Variants in CUX1 observed in about 807,000 individuals in gnomAD.
The protein encoded by CUX1 is cut like homeobox 1.
Under a neutral mutation model 158.8 loss-of-function variants are expected in CUX1, and 31 were observed. The ratio of observed to expected loss-of-function variants is 0.20; its 90% CI spans 0.15 to 0.26. The LOEUF (loss-of-function observed/expected upper bound fraction) is 0.26. Ranked by LOEUF, CUX1 falls within the 10% of genes least tolerant of loss-of-function variation. CUX1 has a pLI of 1.00. For missense variants in CUX1, 1,589 were observed against 2,014.6 expected (o/e 0.79, Z 4.04); for synonymous variants, 879 against 862.1 (o/e 1.02, Z -0.34).
intron 1 of CUX1, among the ~76,000 whole-genome samples, chr7:101,893,238 G>A (rs910409368): frequency 7.1e-6 from 1 of 140,648 alleles, no homozygotes; most frequent in Non-Finnish European, 1.5e-5. Flanking sequence ...GAACTCCTGG[G>A]CTTAAGCAAC....
intron 4 of CUX1, among the ~76,000 whole-genome samples, chr7:102,096,787 G>A (rs1467879153): frequency 6.6e-6 from 1 of 152,192 alleles, no homozygotes; most frequent in Non-Finnish European, 1.5e-5. Flanking sequence ...CCAACTAGCT[G>A]GGTGACCTCA....
upstream of CUX1, chr7:101,817,309 C>T: frequency 1.0e-6 from 1 of 984,586 alleles, no homozygotes; most frequent in Non-Finnish European, 1.2e-6. This position sits in a 1 kb window ranked among gnomAD's most constrained non-coding sequence, Gnocchi z 4.1. Flanking sequence ...TGCGTCCCCT[C>T]GGGGCTTCTG....
chr7:101,824,206 G>A (rs985041950), intron 1 of CUX1, among the ~76,000 whole-genome samples: 5 of 152,094 alleles, frequency 3.3e-5, no homozygotes, highest in Non-Finnish European at 4.4e-5. Flanking sequence ...TCGTGCCTCA[G>A]CCCCCCCGAG....
At position 102,255,028 on chromosome 7, in the gene CUX1, G is replaced by A. The variant is rs1789736632; in HGVS notation, c.*5986G>A. 2.0e-6 allele frequency: 2 copies of A among 984,844 alleles called. No individual in the cohort carries two copies. The highest frequency in any genetic ancestry group is 4.7e-5 in the South Asian group (1 of 21,280). 61.0% of individuals were successfully genotyped at this position (984,844 alleles called of 1,614,324 possible). A position where few individuals can be genotyped will look rare whatever the true frequency, so the allele number is the denominator to read the frequency against. On this transcript the variant is annotated 3_prime_UTR_variant, in exon 24 of 24. Coordinates refer to ENST00000292535, the MANE Select transcript of CUX1 (RefSeq NM_181552.4). Reference sequence around the variant, plus strand: ...TGGGCTTAATCAGGACGGAAGAGGAGGGGGTGTGGGGGGCAGAGCGTAAAA... The same window carrying A: ...TGGGCTTAATCAGGACGGAAGAGGAAGGGGTGTGGGGGGCAGAGCGTAAAA...
intron 10 of CUX1, among the ~76,000 whole-genome samples, chr7:102,173,174 A>G (rs150568899): frequency 2.6e-5 from 4 of 152,272 alleles, no homozygotes; most frequent in Middle Eastern, 3.4e-3. Flanking sequence ...AGCCTGGCCA[A>G]TATGGCGAGA....
intron 10 of CUX1, among the ~76,000 whole-genome samples, chr7:102,175,735 G>T (rs1792245803): frequency 6.6e-6 from 1 of 152,152 alleles, no homozygotes. Context: ...CTCCTACCCT[G>T]GAGGGCTCGT....
At chr7:101,855,097 C>A (rs148897467) in intron 1 of CUX1, among the ~76,000 whole-genome samples, 55 of 152,332 alleles carry the variant, frequency 3.6e-4, no homozygotes, top group Admixed American at 5.9e-4. Flanking sequence ...TTAATGCATC[C>A]TCTTCCCTCT....
At chr7:102,148,101 C>T (rs1418529569) in intron 8 of CUX1, among the ~76,000 whole-genome samples, 2 of 152,158 alleles carry the variant, frequency 1.3e-5, no homozygotes, top group Admixed American at 1.3e-4. Context: ...GAACAAGAGA[C>T]TTTGAGACGG....
In CUX1 at chr7:101,892,228, T is replaced by G. The variant is rs1017564185; in HGVS notation, c.31-23887T>G. 2.0e-5 allele frequency among the ~76,000 whole-genome samples: 3 copies of G among 152,340 alleles called. No homozygotes were observed. The East Asian group carries it at 5.8e-4, about 29-fold the overall frequency. On this transcript the variant is annotated intron_variant, in intron 1 of 23. Coordinates refer to ENST00000292535, the MANE Select transcript of CUX1 (RefSeq NM_181552.4). ...TGGTCAGATTCTTTCAATGCTAGGT[T>G]TAGTATCGTTCCTTTTTCTCCCATT... is the stretch of plus-strand genomic sequence containing the variant.
Position 102,256,326 on chromosome 7 carries a change from T to C in CUX1, c.*7284T>C, listed in dbSNP as rs1789892776. The C allele has an allele frequency of 1.0e-6, 1 of 984,616 alleles. No homozygotes were observed. Among genetic ancestry groups the C allele is most frequent in the Non-Finnish European group, 1.2e-6 (1 of 829,366 alleles). 61.0% of individuals were successfully genotyped at this position (984,616 alleles called of 1,614,324 possible). A position where few individuals can be genotyped will look rare whatever the true frequency, so the allele number is the denominator to read the frequency against. The stretch of plus-strand genomic sequence containing the variant: ...GATGTTTCCTTGAGAAAAAAAAAAT[T>C]ATTTCTATCCTCTTCTATTTATTAT... On this transcript the variant is annotated 3_prime_UTR_variant, in exon 24 of 24. Transcript: ENST00000292535.
chr7:101,920,126 GTTT>G (rs11368186), intron 2 of CUX1, among the ~76,000 whole-genome samples: 9 of 144,168 alleles, frequency 6.2e-5, no homozygotes, highest in Non-Finnish European at 1.1e-4. Context: ...ATTTTTATGT[GTTT>G]TTTTTTTTTT....
intron 4 of CUX1, among the ~76,000 whole-genome samples, chr7:102,089,124 C>T (rs782755183): frequency 7.2e-5 from 11 of 152,030 alleles, no homozygotes; most frequent in Non-Finnish European, 1.6e-4. Flanking sequence ...ATCTATTGTT[C>T]AGCCAATCAA....
chr7:101,941,180 A>T (rs1049460662), intron 2 of CUX1, among the ~76,000 whole-genome samples: 2 of 152,112 alleles, frequency 1.3e-5, no homozygotes, highest in East Asian at 3.9e-4. Flanking sequence ...GGAGCCTCGG[A>T]CCTGACAGGC....
Position 101,916,325 on chromosome 7 carries a change from G to A in CUX1, c.141+100G>A, listed in dbSNP as rs1470793766. 8 of 752,910 alleles carry A rather than the reference G, an allele frequency of 1.1e-5. No homozygotes were observed. The highest frequency in any genetic ancestry group is 2.7e-5 in the East Asian group (1 of 37,272). The allele number at this position is 752,910 out of a possible 1,614,324, so 46.6% of individuals were successfully genotyped here. A position where few individuals can be genotyped will look rare whatever the true frequency, so the allele number is the denominator to read the frequency against. On this transcript the variant is annotated intron_variant, in intron 2 of 23. Transcript: ENST00000292535. The surrounding 1 kb of genome is among the most constrained non-coding windows in gnomAD (Gnocchi z 4.4). ...AGCGTTTCATTTTCATCAGATGAAC[G>A]CACGGCCGGCAAACAACCCGTTTCT... is the stretch of plus-strand genomic sequence containing the variant.
chr7:102,124,325 A>G (rs1371449502), intron 8 of CUX1, among the ~76,000 whole-genome samples: 2 of 152,198 alleles, frequency 1.3e-5, no homozygotes, highest in Admixed American at 1.3e-4. Flanking sequence ...CAGCAATGTC[A>G]CTGCTGGGTA....
chr7:101,991,670 A>G (rs960459482), intron 2 of CUX1, among the ~76,000 whole-genome samples: 1 of 151,872 alleles, frequency 6.6e-6, no homozygotes, highest in African/African-American at 2.4e-5. Flanking sequence ...GAGGCAGGAG[A>G]ATCACTTGAA....
At position 102,278,155 on chromosome 7, in the gene CUX1, A is replaced by T; in HGVS notation, c.1680+90A>T. On this transcript the variant is annotated intron_variant, in intron 18 of 22. Transcript: ENST00000292538. ...CTGGAGATGGGAGGGTCGGGGACCAAGACCTGCTGGGCAGCACTGGGCCCC... is the reference window on the plus strand; with the variant it reads ...CTGGAGATGGGAGGGTCGGGGACCATGACCTGCTGGGCAGCACTGGGCCCC... The T allele has an allele frequency of 4.4e-6, 4 of 913,412 alleles. No homozygotes were observed. The South Asian group carries it at 6.8e-5, about 15-fold the overall frequency. 56.6% of individuals were successfully genotyped at this position (913,412 alleles called of 1,614,324 possible). A position where few individuals can be genotyped will look rare whatever the true frequency, so the allele number is the denominator to read the frequency against.
chr7:102,003,334 A>ACGCC (rs1554448403), intron 2 of CUX1, among the ~76,000 whole-genome samples: 45 of 146,750 alleles, frequency 3.1e-4, no homozygotes, highest in African/African-American at 1.1e-3. Flanking sequence ...ACACACACAC[A>ACGCC]CGCCCGCCCC....
intron 2 of CUX1, among the ~76,000 whole-genome samples, chr7:102,015,915 A>G (rs1008363174): frequency 1.3e-5 from 2 of 152,154 alleles, no homozygotes; most frequent in African/African-American, 4.8e-5. Flanking sequence ...CCTAGGCTCA[A>G]GCAGTCCTCC....
Sources: gnomAD v4.1 joint callset for allele counts (sites outside exome capture counted in the v4.1 genomes callset) on GRCh38, gnomAD v4.1.1 for gene constraint, Gnocchi (gnomAD v3.1) non-coding constraint, MANE v1.5 for transcripts, NCBI Gene and HGNC (gene_info 2026-07-23, HGNC 2026-07-21) for gene names.